KIAA0825: variants seen among roughly 807,000 people sequenced by gnomAD.
KIAA0825 encodes the protein KIAA0825.
Under a neutral mutation model 147.6 loss-of-function variants are expected in KIAA0825, and 119 were observed. The ratio of observed to expected loss-of-function variants is 0.81; its 90% CI spans 0.69 to 0.94. KIAA0825 has a LOEUF of 0.94. Among genes scored for constraint, KIAA0825 ranks in the 40% least tolerant of loss-of-function variants. The pLI is 0.00. For missense variants in KIAA0825, 1,381 were observed against 1,472.7 expected (o/e 0.94, Z 1.02); for synonymous variants, 470 against 518.1 (o/e 0.91, Z 1.26).
At chr5:94,457,811 G>A (rs1259149044) in intron 12 of KIAA0825, among the ~76,000 whole-genome samples, 1 of 152,208 alleles carries the variant, frequency 6.6e-6, no homozygotes, top group African/African-American at 2.4e-5. Context: ...CTCCCCAGGA[G>A]AAACGGGTCT....
chr5:94,475,392 A>T (rs1406769428), intron 7 of KIAA0825, among the ~76,000 whole-genome samples: 1 of 152,044 alleles, frequency 6.6e-6, no homozygotes, highest in Admixed American at 6.5e-5. Context: ...ATTTTTAAAA[A>T]TTTTTTGGGC....
At chr5:94,172,134 A>G (rs1327298882) in intron 20 of KIAA0825, among the ~76,000 whole-genome samples, 1 of 152,182 alleles carries the variant, frequency 6.6e-6, no homozygotes, top group Non-Finnish European at 1.5e-5. Flanking sequence ...AAAGTAAATT[A>G]GAGTGGAAAA....
rs1439922334 is a variant in KIAA0825, at chr5:94,151,634, C to G, written c.*2373G>C. Among the ~76,000 whole-genome samples the G allele has an allele frequency of 6.6e-6, 1 of 151,978 alleles. No individual in the cohort carries two copies. Among genetic ancestry groups the G allele is most frequent in the Non-Finnish European group, 1.5e-5 (1 of 68,008 alleles). Reference sequence around the variant, plus strand: ...TTCCTTTAAACTCATCCCATTTTCCCCTTACTATACTTCCTTTCTTTCAAA... The same window carrying G: ...TTCCTTTAAACTCATCCCATTTTCCGCTTACTATACTTCCTTTCTTTCAAA... On this transcript the variant is annotated 3_prime_UTR_variant, in exon 21 of 21. Transcript: ENST00000682413.
chr5:94,473,923 ATT>A, intron 7 of KIAA0825, among the ~76,000 whole-genome samples: 1 of 152,286 alleles, frequency 6.6e-6, no homozygotes. Flanking sequence ...TTTATAGTTT[ATT>A]GTTAACAAGT....
At chr5:94,456,975 A>G (rs535981391) in intron 12 of KIAA0825, among the ~76,000 whole-genome samples, 1 of 152,322 alleles carries the variant, frequency 6.6e-6, no homozygotes, top group East Asian at 1.9e-4. Flanking sequence ...GCAATATGGT[A>G]TTTACCTGAG....
At chr5:94,473,189 A>G in intron 8 of KIAA0825, 103 bp downstream of exon 8, 1 of 869,522 alleles carries the variant, frequency 1.2e-6, no homozygotes. Context: ...AGTACTTGCC[A>G]AGGGACTCCA....
At chr5:94,529,391 TATC>T (rs947470369) in intron 3 of KIAA0825, among the ~76,000 whole-genome samples, 9 of 146,788 alleles carry the variant, frequency 6.1e-5, no homozygotes, top group Admixed American at 4.1e-4. Flanking sequence ...TATATGTATA[TATC>T]ATATGTATAT....
intron 20 of KIAA0825, among the ~76,000 whole-genome samples, chr5:94,191,634 G>T (rs1770687180): frequency 6.6e-6 from 1 of 152,098 alleles, no homozygotes; most frequent in African/African-American, 2.4e-5. Context: ...TTGTATAAAA[G>T]ATCCAATTAA....
intron 20 of KIAA0825, among the ~76,000 whole-genome samples, chr5:94,219,934 T>TA (rs1449374948): frequency 1.3e-5 from 2 of 152,294 alleles, no homozygotes; most frequent in South Asian, 4.1e-4. Flanking sequence ...ACTAAATTTA[T>TA]AAAAACTATT....
chr5:94,298,127 A>C (rs1778223698), intron 20 of KIAA0825, among the ~76,000 whole-genome samples: 1 of 151,638 alleles, frequency 6.6e-6, no homozygotes, highest in Non-Finnish European at 1.5e-5. Context: ...GGCACCTGTA[A>C]TCCCAGCTGT....
intron 20 of KIAA0825, among the ~76,000 whole-genome samples, chr5:94,161,540 G>A (rs1767584146): frequency 6.6e-6 from 1 of 152,074 alleles, no homozygotes; most frequent in Non-Finnish European, 1.5e-5. Context: ...CTGTGCTTAT[G>A]GATATTAGGT....
chr5:94,540,880 G>A (rs1025809688), intron 2 of KIAA0825, among the ~76,000 whole-genome samples: 3 of 152,070 alleles, frequency 2.0e-5, no homozygotes, highest in Non-Finnish European at 2.9e-5. Context: ...CTGGGGATAC[G>A]TGAAATCAAC....
At chr5:94,233,506 G>A (rs1044759049) in intron 20 of KIAA0825, among the ~76,000 whole-genome samples, 2 of 152,094 alleles carry the variant, frequency 1.3e-5, no homozygotes, top group South Asian at 2.1e-4. Context: ...TTATGAAGAT[G>A]GTAGCATGCT....
At chr5:94,167,233 C>T (rs914659584) in intron 20 of KIAA0825, among the ~76,000 whole-genome samples, 5 of 152,138 alleles carry the variant, frequency 3.3e-5, no homozygotes, top group African/African-American at 1.2e-4. Context: ...AAGAAATATG[C>T]ATAGTTTCAG....
chr5:94,524,301 G>A (rs1768841189), intron 3 of KIAA0825, among the ~76,000 whole-genome samples: 1 of 151,544 alleles, frequency 6.6e-6, no homozygotes, highest in South Asian at 2.1e-4. Context: ...TAAAAAATGT[G>A]ATAGAGGAAA....
intron 20 of KIAA0825, among the ~76,000 whole-genome samples, chr5:94,304,461 C>A (rs1373099609): frequency 6.6e-6 from 1 of 151,980 alleles, no homozygotes; most frequent in Non-Finnish European, 1.5e-5. Context: ...TGGAAGATGC[C>A]GATCTGGTTG....
chr5:94,211,401 G>A (rs1295576912), intron 20 of KIAA0825, among the ~76,000 whole-genome samples: 1 of 152,002 alleles, frequency 6.6e-6, no homozygotes, highest in Non-Finnish European at 1.5e-5. Flanking sequence ...ACTATCTTCT[G>A]GTGTTTAGAA....
intron 1 of KIAA0825, among the ~76,000 whole-genome samples, chr5:94,613,665 C>T (rs1292165787): frequency 6.6e-6 from 1 of 152,190 alleles, no homozygotes; most frequent in African/African-American, 2.4e-5. Flanking sequence ...AGCCATGTGT[C>T]CCTGCAGGGC....
At chr5:94,452,931 A>T in intron 13 of KIAA0825, 28 bp downstream of exon 13, 1 of 1,126,460 alleles carries the variant, frequency 8.9e-7, no homozygotes, top group Non-Finnish European at 1.2e-6. Context: ...ATAGAATTAT[A>T]GATAGTATGG....
Sources: gnomAD v4.1 joint callset for allele counts (sites outside exome capture counted in the v4.1 genomes callset) on GRCh38, gnomAD v4.1.1 for gene constraint, MANE v1.5 for transcripts, NCBI Gene and HGNC (gene_info 2026-07-23, HGNC 2026-07-21) for gene names.